Variants in ARFIP1 observed in about 807,000 individuals in gnomAD.
ARFIP1 encodes the protein ARF interacting protein 1.
In ARFIP1, 24 loss-of-function variants were observed where a neutral mutation model predicts 42.5. The observed-to-expected ratio is 0.57, with a 90% CI of 0.41 to 0.80. The LOEUF (loss-of-function observed/expected upper bound fraction) is 0.80, where lower values mean the gene tolerates loss of function less well. Ranked by LOEUF, ARFIP1 falls within the 30% of genes least tolerant of loss-of-function variation. ARFIP1 has a pLI of 0.00. For missense variants in ARFIP1, 354 were observed against 434.0 expected, an observed-to-expected ratio of 0.82 and a Z score of 1.64; for synonymous variants, 141 against 153.7, an observed-to-expected ratio of 0.92 and a Z score of 0.61.
intron 3 of ARFIP1, among the ~76,000 whole-genome samples, chr4:152,867,187 G>A (rs1031029741): frequency 6.6e-6 from 1 of 152,212 alleles, no homozygotes; most frequent in Non-Finnish European, 1.5e-5. Context: ...TCACGCCACT[G>A]CACTCCAGCC....
intron 1 of ARFIP1, among the ~76,000 whole-genome samples, chr4:152,815,530 C>A (rs1729796323): frequency 6.6e-6 from 1 of 152,146 alleles, no homozygotes; most frequent in Admixed American, 6.5e-5. Flanking sequence ...GGCTTGTAAA[C>A]TTTGATATGT....
At chr4:152,785,680 T>A (rs1443667969) in intron 1 of ARFIP1, among the ~76,000 whole-genome samples, 1 of 152,286 alleles carries the variant, frequency 6.6e-6, no homozygotes, top group East Asian at 1.9e-4. Context: ...ATTCCTCTAA[T>A]CTCTCCACCC....
chr4:152,872,857 G>C (rs1392594866), intron 5 of ARFIP1, among the ~76,000 whole-genome samples: 1 of 152,172 alleles, frequency 6.6e-6, no homozygotes, highest in South Asian at 2.1e-4. Context: ...AGCTACTATA[G>C]ATATATTTGC....
At chr4:152,785,453 C>T (rs1730743840) in intron 1 of ARFIP1, among the ~76,000 whole-genome samples, 1 of 152,178 alleles carries the variant, frequency 6.6e-6, no homozygotes, top group Admixed American at 6.5e-5. Context: ...AGCCCGTGAT[C>T]TGTAATCTCT....
intron 1 of ARFIP1, among the ~76,000 whole-genome samples, chr4:152,784,658 G>A (rs536681339): frequency 4.6e-5 from 7 of 152,294 alleles, no homozygotes; most frequent in African/African-American, 1.2e-4. Context: ...GCCTGGCTTC[G>A]TCACTTCGTG....
intron 5 of ARFIP1, 67 bp downstream of exon 5, chr4:152,872,631 G>C: frequency 2.4e-6 from 2 of 834,342 alleles, no homozygotes; most frequent in Non-Finnish European, 3.6e-6. Context: ...GTTTATTCAA[G>C]TCATTATGTT....
rs540104392 is a variant in ARFIP1, at chr4:152,852,285, C to G, written c.94-11321C>G. On this transcript the variant is annotated intron_variant, in intron 2 of 8. Coordinates refer to ENST00000353617, the MANE Select transcript of ARFIP1 (RefSeq NM_001025595.3). ...ATAGGAGTAAATTCAGTAGCAGATA[C>G]TTTATAAGTTGCTAAGCTAGGCACA... Among the ~76,000 whole-genome samples the G allele has an allele frequency of 5.3e-4, 80 of 152,248 alleles. 1 individual carries two copies. Among genetic ancestry groups the G allele is most frequent in the African/African-American group, 1.8e-3 (75 of 41,534 alleles).
chr4:152,872,567 T>C lies in ARFIP1; in HGVS notation c.411+3T>C. 6.6e-7 allele frequency: 1 copy of C among 1,525,300 alleles called. No individual in the cohort carries two copies. Among genetic ancestry groups the C allele is most frequent in the Non-Finnish European group, 8.9e-7 (1 of 1,119,278 alleles). 94.5% of individuals were successfully genotyped at this position (1,525,300 alleles called of 1,614,324 possible). ...AATGGAGTCTAAACACCTATAAGGTTTGTAATTATTTAATGTTTCCACCCT... is the reference window on the plus strand; with the variant it reads ...AATGGAGTCTAAACACCTATAAGGTCTGTAATTATTTAATGTTTCCACCCT... On this transcript the variant is annotated splice_donor_region_variant and intron_variant, in intron 5 of 8. Coordinates refer to ENST00000353617, the MANE Select transcript of ARFIP1 (RefSeq NM_001025595.3).
chr4:152,789,407 A>C (rs1285008607), intron 1 of ARFIP1, among the ~76,000 whole-genome samples: 1 of 152,166 alleles, frequency 6.6e-6, no homozygotes, highest in Non-Finnish European at 1.5e-5. Context: ...CAAACTATTA[A>C]TATGACAGTA....
chr4:152,910,087 G>A lies in ARFIP1; in HGVS notation c.990G>A (p.Leu330=), dbSNP rs1453859910. ...AGGTTAAAGTATTGCACAATCAGCT[G>A]GTCCTTTTCCACAATGCCATTGCCG... ...ENKVKVLHNQ[L]VLFHNAIAAY... The change falls in exon 9 of 9, where the codon CTG becomes CTA. Residue 330 remains leucine (L), a synonymous_variant. Transcript: ENST00000353617. 6.2e-7 allele frequency: 1 copy of A among 1,614,110 alleles called. No homozygotes were observed.
At chr4:152,878,340 A>G (rs1735537402) in intron 5 of ARFIP1, among the ~76,000 whole-genome samples, 1 of 152,198 alleles carries the variant, frequency 6.6e-6, no homozygotes, top group African/African-American at 2.4e-5. Context: ...ATATATACTG[A>G]TCTCCAATAT....
At chr4:152,883,187 T>C (rs1301027320) in intron 7 of ARFIP1, 2 of 255,354 alleles carry the variant, frequency 7.8e-6, no homozygotes, top group Admixed American at 5.5e-5. Flanking sequence ...GAATACTTGC[T>C]TCATTGCCTT....
intron 2 of ARFIP1, among the ~76,000 whole-genome samples, chr4:152,831,278 A>G (rs1731222527): frequency 6.6e-6 from 1 of 152,214 alleles, no homozygotes; most frequent in African/African-American, 2.4e-5. Flanking sequence ...GCTCTGTACC[A>G]GGTACTGGGG....
At chr4:152,801,400 T>G (rs1490111275) in intron 1 of ARFIP1, among the ~76,000 whole-genome samples, 1 of 152,140 alleles carries the variant, frequency 6.6e-6, no homozygotes. Flanking sequence ...GAGAGGGCTC[T>G]GTGGGTAGAA....
At chr4:152,901,319 C>T (rs1018406241) in intron 8 of ARFIP1, among the ~76,000 whole-genome samples, 4 of 152,080 alleles carry the variant, frequency 2.6e-5, no homozygotes, top group South Asian at 2.1e-4. Flanking sequence ...AGAAAGTTTT[C>T]GGTGTAGTCC....
intron 2 of ARFIP1, among the ~76,000 whole-genome samples, chr4:152,858,512 G>C (rs1016128793): frequency 3.3e-5 from 5 of 152,102 alleles, no homozygotes; most frequent in Admixed American, 2.6e-4. Context: ...TGACCAAAAA[G>C]TCTAATGTAA....
chr4:152,803,823 A>G (rs1728615202), intron 1 of ARFIP1, among the ~76,000 whole-genome samples: 1 of 151,504 alleles, frequency 6.6e-6, no homozygotes, highest in African/African-American at 2.4e-5. Context: ...AGTTGTTGGA[A>G]GTGAAGGGTC....
At chr4:152,836,051 A>G (rs1209590867) in intron 2 of ARFIP1, among the ~76,000 whole-genome samples, 3 of 152,168 alleles carry the variant, frequency 2.0e-5, no homozygotes, top group African/African-American at 7.2e-5. Flanking sequence ...CCTCCCTCCT[A>G]GCACCATCTC....
At chr4:152,818,517 G>T (rs569894356) in intron 1 of ARFIP1, among the ~76,000 whole-genome samples, 5 of 152,304 alleles carry the variant, frequency 3.3e-5, no homozygotes, top group Non-Finnish European at 5.9e-5. Context: ...GCTAACTCAG[G>T]CTGAGGTCAC....
Sources: gnomAD v4.1 joint callset for allele counts (sites outside exome capture counted in the v4.1 genomes callset) on GRCh38, gnomAD v4.1.1 for gene constraint, MANE v1.5 for transcripts, NCBI Gene and HGNC (gene_info 2026-07-23, HGNC 2026-07-21) for gene names.